Variants in CDH13 observed in about 807,000 individuals in gnomAD.
CDH13 encodes the protein cadherin-13.
In CDH13, 24 loss-of-function variants were observed where a neutral mutation model predicts 63.8. That is an observed-to-expected ratio of 0.38 (90% CI 0.27 to 0.53). The LOEUF (loss-of-function observed/expected upper bound fraction) is 0.53, where lower values mean the gene tolerates loss of function less well. CDH13 is among the 20% of genes least tolerant of loss of function. The pLI, the probability that CDH13 is intolerant of heterozygous loss-of-function variation, is 0.85. For missense variants in CDH13, 1,049 were observed against 903.1 expected, an observed-to-expected ratio of 1.16 and a Z score of -2.07; for synonymous variants, 503 against 355.3, an observed-to-expected ratio of 1.42 and a Z score of -4.67.
intron 1 of CDH13, among the ~76,000 whole-genome samples, chr16:82,721,612 A>G (rs1597402852): frequency 1.3e-5 from 2 of 152,202 alleles, no homozygotes; most frequent in East Asian, 1.9e-4. Flanking sequence ...GTAAGTTTGA[A>G]GAATTAAAAG....
chr16:83,751,224 G>A (rs749859435), intron 11 of CDH13, among the ~76,000 whole-genome samples: 13 of 152,160 alleles, frequency 8.5e-5, no homozygotes, highest in East Asian at 1.9e-4. Flanking sequence ...GAAATCAATC[G>A]TGAAATGCTC....
intron 4 of CDH13, among the ~76,000 whole-genome samples, chr16:83,181,505 C>G (rs754298344): frequency 2.0e-4 from 30 of 152,188 alleles, no homozygotes; most frequent in African/African-American, 6.8e-4. Context: ...TGACAATTGG[C>G]TTTTCTTCAA....
At chr16:83,500,227 TCTTCTC>T (rs1273210636) in intron 7 of CDH13, among the ~76,000 whole-genome samples, 432 of 1,840 alleles carry the variant, frequency 0.23, 167 homozygotes, top group African/African-American at 0.34. Context: ...CTAGTTTCTT[TCTTCTC>T]CTTCTTCTTC....
At chr16:82,759,887 G>A (rs72805932) in intron 1 of CDH13, among the ~76,000 whole-genome samples, 6,961 of 151,850 alleles carry the variant, frequency 0.046, 250 homozygotes, top group Non-Finnish European at 0.067. Context: ...CTTATAACCC[G>A]TCTACCAAGC....
chr16:83,775,920 T>A (rs950615252), intron 11 of CDH13, among the ~76,000 whole-genome samples: 5 of 152,082 alleles, frequency 3.3e-5, no homozygotes, highest in Non-Finnish European at 7.4e-5. Flanking sequence ...AGCCCCTATA[T>A]TTCCTGGGCC....
chr16:82,989,709 C>G lies in CDH13; in HGVS notation c.158-42301C>G, dbSNP rs545133706. Among the ~76,000 whole-genome samples the G allele has an allele frequency of 3.3e-5, 5 of 152,306 alleles. No homozygotes were observed. The South Asian group carries it at 6.2e-4, about 19-fold the overall frequency. On this transcript the variant is annotated intron_variant, in intron 2 of 13. Transcript: ENST00000567109. ...GTGCAGGGTATTGCCTGCTTCTGTTCTCAATGCTGGCTCTCGTAGCTTAAC... is the reference window on the plus strand; with the variant it reads ...GTGCAGGGTATTGCCTGCTTCTGTTGTCAATGCTGGCTCTCGTAGCTTAAC...
intron 2 of CDH13, among the ~76,000 whole-genome samples, chr16:82,996,782 G>T (rs1208133947): frequency 6.6e-6 from 1 of 152,082 alleles, no homozygotes. Context: ...TGACGATGGT[G>T]ATGGTGGGGG....
At chr16:82,936,619 GA>G in intron 2 of CDH13, among the ~76,000 whole-genome samples, 1 of 152,278 alleles carries the variant, frequency 6.6e-6, no homozygotes, top group South Asian at 2.1e-4. Context: ...GATGAGGACT[GA>G]GAATTTGCAT....
chr16:83,253,485 C>T (rs1905837430), intron 5 of CDH13, among the ~76,000 whole-genome samples: 1 of 152,202 alleles, frequency 6.6e-6, no homozygotes, highest in African/African-American at 2.4e-5. Context: ...GGCACATTCG[C>T]CACAAGATAC....
At chr16:82,813,242 T>TA (rs57544277) in intron 1 of CDH13, among the ~76,000 whole-genome samples, 5 of 151,566 alleles carry the variant, frequency 3.3e-5, no homozygotes, top group Admixed American at 6.6e-5. Flanking sequence ...CTCTGGACAA[T>TA]AAAAAAAATA....
intron 4 of CDH13, among the ~76,000 whole-genome samples, chr16:83,197,270 G>GATATAT (rs1567498224): frequency 1.4e-4 from 20 of 138,468 alleles, no homozygotes; most frequent in African/African-American, 5.5e-4. Context: ...GTGTATCATA[G>GATATAT]GTATATATAT....
chr16:82,849,343 A>C (rs374743624), intron 1 of CDH13, among the ~76,000 whole-genome samples: 2 of 152,178 alleles, frequency 1.3e-5, no homozygotes, highest in African/African-American at 4.8e-5. Context: ...CTCTACTAAA[A>C]CTACAAAAAT....
chr16:83,222,362 C>A (rs2151794002), intron 5 of CDH13, among the ~76,000 whole-genome samples: 1 of 152,252 alleles, frequency 6.6e-6, no homozygotes, highest in South Asian at 2.1e-4. Flanking sequence ...CTATTCTAAC[C>A]CATCTGTAGC....
intron 2 of CDH13, among the ~76,000 whole-genome samples, chr16:82,875,669 G>C (rs1047008577): frequency 1.3e-5 from 2 of 152,160 alleles, no homozygotes; most frequent in Non-Finnish European, 2.9e-5. Flanking sequence ...CATATCTAAA[G>C]TGAACACATC....
intron 2 of CDH13, among the ~76,000 whole-genome samples, chr16:82,934,285 C>T (rs748349994): frequency 2.8e-4 from 43 of 152,306 alleles, no homozygotes; most frequent in Admixed American, 8.5e-4. Context: ...TGCCAAGGCT[C>T]GAGGCTTGCA....
chr16:83,483,193 A>G (rs2073812610), intron 6 of CDH13, among the ~76,000 whole-genome samples: 1 of 152,216 alleles, frequency 6.6e-6, no homozygotes, highest in South Asian at 2.1e-4. Context: ...AAACCTATTT[A>G]CATAACTCAG....
At chr16:83,003,451 G>T (rs888427168) in intron 2 of CDH13, among the ~76,000 whole-genome samples, 4 of 151,912 alleles carry the variant, frequency 2.6e-5, no homozygotes, top group Non-Finnish European at 5.9e-5. Context: ...TATGGAAAAT[G>T]CTGTATAGGG....
intron 6 of CDH13, 84 bp downstream of exon 6, chr16:83,345,090 G>C (rs1224750865): frequency 1.6e-5 from 24 of 1,467,920 alleles, no homozygotes; most frequent in Non-Finnish European, 9.3e-7. Context: ...ACTGTCTTAT[G>C]GCTGTTCCAA....
At chr16:82,842,139 C>T (rs12446273) in intron 1 of CDH13, among the ~76,000 whole-genome samples, 4,859 of 55,770 alleles carry the variant, frequency 0.087, 503 homozygotes, top group African/African-American at 0.12. Context: ...TATATATATA[C>T]ACATATATAT....
Sources: allele counts gnomAD v4.1 joint callset (sites outside exome capture counted in the v4.1 genomes callset), GRCh38; gene constraint gnomAD v4.1.1; transcripts MANE v1.5; gene names NCBI Gene and HGNC (gene_info 2026-07-23, HGNC 2026-07-21).